Variants in AKNA observed in about 807,000 individuals in gnomAD.
The protein encoded by AKNA is microtubule organization protein AKNA.
Under a neutral mutation model 138.8 loss-of-function variants are expected in AKNA, and 67 were observed. The observed-to-expected ratio is 0.48, with a 90% CI of 0.40 to 0.59. The LOEUF (loss-of-function observed/expected upper bound fraction) is 0.59. Ranked by LOEUF, AKNA falls within the 20% of genes least tolerant of loss-of-function variation. The probability of loss-of-function intolerance (pLI) is 0.00; values close to 1 mark genes in which losing one functional copy is unlikely to be tolerated. For missense variants in AKNA, 1,813 were observed against 1,880.4 expected (o/e 0.96, Z 0.66); for synonymous variants, 737 against 754.4 (o/e 0.98, Z 0.38).
In AKNA at chr9:114,347,859, C is replaced by T. The variant is rs575149664; in HGVS notation, c.3263G>A (p.Arg1088His). The change falls in exon 16 of 22, where the codon CGT becomes CAT. Residue 1088 changes from arginine to histidine, a missense_variant. By Grantham distance (29) the Arg-to-His change is conservative (BLOSUM62 0). Transcript: ENST00000374088. ...CELQEEVSRL[R>H]LRLEDSLHQP... ...GTGCAGGCTGTCTTCCAGCCGCAGA[C>T]GAAGCCGGGACACCTCTTCTTGCAG... The T allele has an allele frequency of 3.7e-5, 57 of 1,550,560 alleles. 1 individual carries two copies. Among genetic ancestry groups the T allele is most frequent in the African/African-American group, 3.6e-4 (26 of 72,988 alleles).
At chr9:114,386,778 T>C (rs1201252157) in intron 1 of AKNA, among the ~76,000 whole-genome samples, 1 of 151,926 alleles carries the variant, frequency 6.6e-6, no homozygotes, top group Non-Finnish European at 1.5e-5. Context: ...ACACAGGGCT[T>C]CTCCGCCCGC....
intron 1 of AKNA, among the ~76,000 whole-genome samples, chr9:114,393,287 C>T (rs1253650818): frequency 6.6e-6 from 1 of 150,572 alleles, no homozygotes; most frequent in Non-Finnish European, 1.5e-5. Flanking sequence ...GCGATCTCAG[C>T]TCACTGCAAG....
chr9:114,368,336 T>C (rs1292924937), intron 5 of AKNA, 103 bp downstream of exon 5: 32 of 1,254,348 alleles, frequency 2.6e-5, no homozygotes, highest in Non-Finnish European at 2.7e-5. Flanking sequence ...CTCCTTCCCC[T>C]GGCCTGAGGC....
At position 114,337,157 on chromosome 9, in the gene AKNA, A is replaced by G. The variant is rs749224609; in HGVS notation, c.4217T>C (p.Val1406Ala). ...EELNKALSRA[V>A]QAAESVRSTT... The stretch of plus-strand genomic sequence containing the variant: ...AGAGCGGACGCTCTCGGCAGCCTGC[A>G]CGGCCCGGCTCAGGGCCTTGTTGAG... The change falls in exon 22 of 22, where the codon GTG becomes GCG. Residue 1406 changes from valine to alanine, a missense_variant. Transcript: ENST00000374088. 1.2e-6 allele frequency: 2 copies of G among 1,611,124 alleles called. No homozygotes were observed. The highest frequency in any genetic ancestry group is 1.7e-6 in the Non-Finnish European group (2 of 1,178,450).
In AKNA at chr9:114,361,773, A is replaced by T; in HGVS notation, c.2055T>A (p.His685Gln). 1 of 1,613,804 alleles carries T rather than the reference A, an allele frequency of 6.2e-7. No individual in the cohort carries two copies. The highest frequency in any genetic ancestry group is 8.5e-7 in the Non-Finnish European group (1 of 1,180,006). The change falls in exon 9 of 22, where the codon CAT (histidine) becomes CAA (glutamine). Residue 685 changes from histidine (H) to glutamine (Q), a missense_variant. Transcript: ENST00000374088. ...LDSTPALPCL[H>Q]QPTHLPAPSG... The stretch of plus-strand genomic sequence containing the variant: ...AAGGAGCAGGCAGGTGCGTTGGCTG[A>T]TGGAGGCAGGGCAGGGCTGGGGTGC...
chr9:114,374,078 A>C lies in AKNA; in HGVS notation c.1416+15T>G. 1 of 1,553,076 alleles carries C rather than the reference A, an allele frequency of 6.4e-7. No homozygotes were observed. Among genetic ancestry groups the C allele is most frequent in the South Asian group, 1.2e-5 (1 of 84,146 alleles). ...GGACTTGGGCCCATGCCTCCACCCCATCCCGGCCTGGTACCTTGGCCCCGA... is the reference window on the plus strand; with the variant it reads ...GGACTTGGGCCCATGCCTCCACCCCCTCCCGGCCTGGTACCTTGGCCCCGA... On this transcript the variant is annotated intron_variant, in intron 4 of 21. Coordinates refer to ENST00000374088, the MANE Select transcript of AKNA (RefSeq NM_001317950.2).
chr9:114,392,929 AG>A (rs1834399339), upstream of AKNA, among the ~76,000 whole-genome samples: 1 of 152,212 alleles, frequency 6.6e-6, no homozygotes, highest in South Asian at 2.1e-4. Context: ...AAGGGTTATG[AG>A]GAGGGTGTGG....
intron 15 of AKNA, chr9:114,348,843 G>A (rs975430515): frequency 1.3e-5 from 6 of 456,110 alleles, no homozygotes; most frequent in Middle Eastern, 3.4e-4. Flanking sequence ...ACATCTACTT[G>A]GTCTGGCTTC....
At chr9:114,363,750 G>C (rs1588987152) in intron 7 of AKNA, among the ~76,000 whole-genome samples, 2 of 152,236 alleles carry the variant, frequency 1.3e-5, no homozygotes, top group Non-Finnish European at 2.9e-5. Context: ...GGTGGGAAGA[G>C]AGAGACTTGA....
At position 114,359,931 on chromosome 9, in the gene AKNA, C is replaced by T; in HGVS notation, c.2256G>A (p.Leu752=). 1.2e-6 allele frequency: 2 copies of T among 1,614,234 alleles called. No individual in the cohort carries two copies. The highest frequency in any genetic ancestry group is 1.7e-6 in the Non-Finnish European group (2 of 1,180,038). The change falls in exon 10 of 22, where the codon CTG becomes CTA. Residue 752 remains leucine (L), a synonymous_variant. Transcript: ENST00000374088. The stretch of plus-strand genomic sequence containing the variant: ...GGCCATGGTAAACTTGCTCCATCTG[C>T]AGCTCCTTGTGCCTGAGTCGGGCCA... ...DPLARLRHKE[L]QMEQVYHGLM...
chr9:114,369,596 A>C (rs1832614815), intron 4 of AKNA, among the ~76,000 whole-genome samples: 1 of 152,096 alleles, frequency 6.6e-6, no homozygotes, highest in African/African-American at 2.4e-5. Context: ...AGTGCTCAAT[A>C]AATAGTGGCC....
At position 114,358,130 on chromosome 9, in the gene AKNA, C is replaced by G. The variant is rs374900536; in HGVS notation, c.2530G>C (p.Gly844Arg). 1.8e-4 allele frequency: 295 copies of G among 1,614,114 alleles called. No individual in the cohort carries two copies. In the Middle Eastern group the frequency reaches 2.5e-3, roughly 14 times the overall value. Reference sequence around the variant, plus strand: ...TCTCTAGCCAGGGATGCCTGGAAACCTGGTGGCTTCATAGATACCATCTTC... The same window carrying G: ...TCTCTAGCCAGGGATGCCTGGAAACGTGGTGGCTTCATAGATACCATCTTC... The part of the protein sequence containing the change: ...TEKMVSMKPP[G>R]FQASLARDGH... The change falls in exon 12 of 22, where the codon GGT (glycine) becomes CGT (arginine). Residue 844 changes from glycine to arginine, a missense_variant. Gly to Arg is a moderately radical substitution (Grantham distance 125). Transcript: ENST00000374088.
In AKNA at chr9:114,360,010, T is replaced by C. The variant is rs761720783; in HGVS notation, c.2177A>G (p.Asn726Ser). The C allele has an allele frequency of 1.9e-6, 3 of 1,614,178 alleles. No individual in the cohort carries two copies. The South Asian group carries it at 3.3e-5, about 18-fold the overall frequency. ...ASTGPCPLHVNVEVSSGNSEV... is the reference protein window; with the variant it reads ...ASTGPCPLHVSVEVSSGNSEV... ...ACTGTTGCCAGAGCTCACCTCCACA[T>C]TTACGTGCAATGGGCAGGGGCCAGT... Residue 726 changes from asparagine to serine, a missense_variant, in exon 10 of 22, where the codon AAT (asparagine) becomes AGT (serine). By Grantham distance (46) the Asn-to-Ser change is conservative. Transcript: ENST00000374088.
upstream of AKNA, chr9:114,396,576 G>A (rs940920233): frequency 6.6e-6 from 1 of 152,210 alleles, no homozygotes; most frequent in South Asian, 2.1e-4. Flanking sequence ...CTACTCAGGA[G>A]GCTGAGGCAG....
downstream of AKNA, chr9:114,330,513 C>A: frequency 1.2e-6 from 2 of 1,612,024 alleles, no homozygotes; most frequent in South Asian, 2.2e-5. Flanking sequence ...ATCCAAGCAA[C>A]CTTCTTTTAC....
In AKNA at chr9:114,334,813, A is replaced by G. The variant is rs377118281; in HGVS notation, c.*2241T>C. ...TGTCCTGGGGTCTAGTCCTGTGTCCACAGGCACCACTCCCCTTTGTACCTC... is the reference window on the plus strand; with the variant it reads ...TGTCCTGGGGTCTAGTCCTGTGTCCGCAGGCACCACTCCCCTTTGTACCTC... On this transcript the variant is annotated 3_prime_UTR_variant, in exon 22 of 22. Transcript: ENST00000374088. 7.3e-6 allele frequency: 1 copy of G among 136,672 alleles called. No homozygotes were observed. Among genetic ancestry groups the G allele is most frequent in the Non-Finnish European group, 1.5e-5 (1 of 66,396 alleles). 8.5% of individuals were successfully genotyped at this position (136,672 alleles called of 1,614,324 possible). A position where few individuals can be genotyped will look rare whatever the true frequency, so the allele number is the denominator to read the frequency against.
At chr9:114,359,565 C>T in intron 11 of AKNA, 29 bp downstream of exon 11, 1 of 1,611,668 alleles carries the variant, frequency 6.2e-7, no homozygotes, top group Non-Finnish European at 8.5e-7. Flanking sequence ...TGGAAACAAA[C>T]ATTCTGCAGG....
At chr9:114,362,000 G>T in intron 8 of AKNA, 89 bp from the exon 9 acceptor site, 1 of 1,368,734 alleles carries the variant, frequency 7.3e-7, no homozygotes, top group South Asian at 1.2e-5. Flanking sequence ...AGAGACTCCA[G>T]GGGATGCCCC....
rs560068905 is a variant in AKNA, at chr9:114,352,710, CAGG to C, written c.3059-1692_3059-1690del. Among the ~76,000 whole-genome samples, 199 of 152,164 alleles carry C rather than the reference CAGG, an allele frequency of 1.3e-3. 1 individual carries two copies. The highest frequency in any genetic ancestry group is 3.2e-3 in the Middle Eastern group (1 of 314). Reference sequence around the variant, plus strand: ...GGCCGAGGCGGGCGGGTCACAAGGTCAGGAGTTCGAGACCAGCCTGACCAACAT... The same window carrying C: ...GGCCGAGGCGGGCGGGTCACAAGGTCAGTTCGAGACCAGCCTGACCAACAT... On this transcript the variant is annotated intron_variant, in intron 14 of 21. Transcript: ENST00000374088.
Sources: allele counts gnomAD v4.1 joint callset (sites outside exome capture counted in the v4.1 genomes callset), GRCh38; gene constraint gnomAD v4.1.1; transcripts MANE v1.5; gene names NCBI Gene and HGNC (gene_info 2026-07-23, HGNC 2026-07-21).